Variants in VPS13C observed in about 807,000 individuals in gnomAD.
The protein encoded by VPS13C is vacuolar protein sorting 13 homolog C, also known as intermembrane lipid transfer protein VPS13C.
Under a neutral mutation model 456.8 loss-of-function variants are expected in VPS13C, and 358 were observed. That is an observed-to-expected ratio of 0.78 (90% CI 0.72 to 0.86). VPS13C has a LOEUF of 0.86. VPS13C is among the 40% of genes least tolerant of loss of function. The probability of loss-of-function intolerance (pLI) is 0.00; values close to 1 mark genes in which losing one functional copy is unlikely to be tolerated. For missense variants in VPS13C, 4,818 were observed against 4,385.4 expected (o/e 1.10, Z -2.79); for synonymous variants, 1,578 against 1,486.7 (o/e 1.06, Z -1.41).
chr15:61,936,795 T>G (rs2044241991), intron 47 of VPS13C, 45 bp from the exon 48 acceptor site: 1 of 1,535,682 alleles, frequency 6.5e-7, no homozygotes. Context: ...ATAAAAAAAA[T>G]GTAGACTATC....
chr15:62,060,240 C>T (rs371316204), intron 1 of VPS13C, 35 bp downstream of exon 1: 27 of 1,336,570 alleles, frequency 2.0e-5, no homozygotes, highest in African/African-American at 4.4e-5. Context: ...GGGCCCTCAG[C>T]GCCCGCAGCC....
chr15:61,890,396 C>T lies in VPS13C; in HGVS notation c.9110G>A (p.Gly3037Glu). The change falls in exon 67 of 85, where the codon GGA (glycine) becomes GAA (glutamate). Residue 3037 changes from glycine to glutamate, a missense_variant. Transcript: ENST00000644861. ...TGCATCATATGGAAACTGTCCACAT[C>T]CATCCTGGGAAGAAGAAAGACTTCA... ...NVGEHDLLKDGCGQFPYDANI... is the reference protein window; with the variant it reads ...NVGEHDLLKDECGQFPYDANI... 6.2e-7 allele frequency: 1 copy of T among 1,613,496 alleles called. No individual in the cohort carries two copies. The highest frequency in any genetic ancestry group is 8.5e-7 in the Non-Finnish European group (1 of 1,179,620).
At chr15:61,930,973 A>G in intron 50 of VPS13C, 117 bp downstream of exon 50, 1 of 1,187,404 alleles carries the variant, frequency 8.4e-7, no homozygotes, top group Non-Finnish European at 1.2e-6. Flanking sequence ...CAAATCAGGA[A>G]GTATGACCAA....
At position 62,026,689 on chromosome 15, in the gene VPS13C, A is replaced by G. The variant is rs574464308; in HGVS notation, c.448+1669T>C. On this transcript the variant is annotated intron_variant, in intron 6 of 84. Transcript: ENST00000644861. ...TGCACAAGTAATTTTCCTTGAAACA[A>G]CCATCCTACTTCAGTATGCAGAAAT... Among the ~76,000 whole-genome samples, 19 of 152,208 alleles carry G rather than the reference A, an allele frequency of 1.2e-4. No homozygotes were observed. The East Asian group carries it at 3.1e-3, about 25-fold the overall frequency.
At chr15:61,886,809 G>A (rs1896307016) in intron 67 of VPS13C, among the ~76,000 whole-genome samples, 1 of 152,156 alleles carries the variant, frequency 6.6e-6, no homozygotes, top group African/African-American at 2.4e-5. Flanking sequence ...AATGTATTTA[G>A]AGGATACCAG....
chr15:61,997,103 G>A (rs940633596), intron 16 of VPS13C, among the ~76,000 whole-genome samples: 6 of 151,828 alleles, frequency 4.0e-5, no homozygotes, highest in South Asian at 2.1e-4. Flanking sequence ...CTTGAAAAAC[G>A]TCATGGCTAA....
At chr15:61,907,833 C>T (rs1337148165) in intron 65 of VPS13C, among the ~76,000 whole-genome samples, 7 of 152,182 alleles carry the variant, frequency 4.6e-5, no homozygotes, top group Non-Finnish European at 4.4e-5. Flanking sequence ...TATTGCACTA[C>T]AGCCTCAAAC....
At position 61,853,260 on chromosome 15, in the gene VPS13C, T is replaced by C. The variant is rs1893740196; in HGVS notation, c.*1197A>G. On this transcript the variant is annotated 3_prime_UTR_variant, in exon 85 of 85. Transcript: ENST00000644861. Reference sequence around the variant, plus strand: ...ATTTAAAATACATTCTAGGCGTGCATTAGGAGTAAATGTTAATTTGTGATG... The same window carrying C: ...ATTTAAAATACATTCTAGGCGTGCACTAGGAGTAAATGTTAATTTGTGATG... 4 of 152,150 alleles carry C rather than the reference T, an allele frequency of 2.6e-5. No homozygotes were observed. Among genetic ancestry groups the C allele is most frequent in the Non-Finnish European group, 5.9e-5 (4 of 68,002 alleles). 9.4% of individuals were successfully genotyped at this position (152,150 alleles called of 1,614,324 possible). A position where few individuals can be genotyped will look rare whatever the true frequency, so the allele number is the denominator to read the frequency against.
Position 61,949,482 on chromosome 15 carries a change from G to A in VPS13C, c.4720C>T (p.Pro1574Ser). 2 of 1,613,492 alleles carry A rather than the reference G, an allele frequency of 1.2e-6. No individual in the cohort carries two copies. Among genetic ancestry groups the A allele is most frequent in the Admixed American group, 1.7e-5 (1 of 59,854 alleles). ...ATACTTCTGGACTCCCCCACAAGTGGTTTCAGCTCGGATTCCTTCTCAGAA... is the reference window on the plus strand; with the variant it reads ...ATACTTCTGGACTCCCCCACAAGTGATTTCAGCTCGGATTCCTTCTCAGAA... Reference protein sequence around the residue: ...SSSEKESELKPLVGESRSIAV... With the variant: ...SSSEKESELKSLVGESRSIAV... Residue 1574 changes from proline to serine, a missense_variant, in exon 42 of 85, where the codon CCA becomes TCA. Transcript: ENST00000644861.
At position 61,854,413 on chromosome 15, in the gene VPS13C, C is replaced by G. The variant is rs1326256261; in HGVS notation, c.*44G>C. 2.0e-6 allele frequency: 3 copies of G among 1,514,852 alleles called. No individual in the cohort carries two copies. 93.8% of individuals were successfully genotyped at this position (1,514,852 alleles called of 1,614,324 possible). A position where few individuals can be genotyped will look rare whatever the true frequency, so the allele number is the denominator to read the frequency against. ...AAGCAGAGTGACTTATAGACAAGAC[C>G]AGTGATTGTTTTTTCTCCCTGTTGG... On this transcript the variant is annotated 3_prime_UTR_variant, in exon 85 of 85. Coordinates refer to ENST00000644861, the MANE Select transcript of VPS13C (RefSeq NM_020821.3).
chr15:61,931,177 A>G lies in VPS13C; in HGVS notation c.5951T>C (p.Phe1984Ser), dbSNP rs1234848395. The change falls in exon 50 of 85, where the codon TTT becomes TCT. Residue 1984 changes from phenylalanine (F) to serine (S), a missense_variant. Around this residue, in one of 3 missense-constraint regions of VPS13C, gnomAD observed 4,552 missense variants for 4,130.6 expected, o/e 1.10. Transcript: ENST00000644861. ...LHLMASSGKM[F>S]KDGSMNVSVK... ...GCTGACATTCATTGAGCCATCCTTA[A>G]ACATCTTCCCTGAGGAGGCCATAAG... is the stretch of plus-strand genomic sequence containing the variant. 1.2e-6 allele frequency: 2 copies of G among 1,614,186 alleles called. No individual in the cohort carries two copies. Among genetic ancestry groups the G allele is most frequent in the Admixed American group, 3.3e-5 (2 of 60,028 alleles).
rs138040593 is a variant in VPS13C at position 62,036,635 on chromosome 15, T to G, written c.188-1583A>C. The stretch of plus-strand genomic sequence containing the variant: ...TCTCAAAATCTCCTAACAAAATTTA[T>G]TTGATTGCCTTCTTGGTGAGCATAA... On this transcript the variant is annotated intron_variant, in intron 3 of 84. Transcript: ENST00000644861. 6.5e-3 allele frequency among the ~76,000 whole-genome samples: 992 copies of G among 152,176 alleles called. 9 individuals carry two copies. Among genetic ancestry groups the G allele is most frequent in the South Asian group, 0.045 (218 of 4,818 alleles).
intron 47 of VPS13C, among the ~76,000 whole-genome samples, chr15:61,940,394 AG>A (rs2044379832): frequency 6.6e-6 from 1 of 152,232 alleles, no homozygotes; most frequent in African/African-American, 2.4e-5. Context: ...GAGGGAAACA[AG>A]GATGATTTCA....
intron 75 of VPS13C, among the ~76,000 whole-genome samples, chr15:61,876,516 A>C (rs1008161919): frequency 6.6e-6 from 1 of 151,994 alleles, no homozygotes; most frequent in Non-Finnish European, 1.5e-5. Context: ...CAGTGGAAGG[A>C]AAGGAGATGT....
intron 11 of VPS13C, among the ~76,000 whole-genome samples, chr15:62,012,818 G>C (rs999057863): frequency 6.6e-6 from 1 of 151,882 alleles, no homozygotes; most frequent in Non-Finnish European, 1.5e-5. Context: ...CATGGGCTCT[G>C]ATATCACTGC....
chr15:61,938,844 G>A (rs1254412588), intron 47 of VPS13C, among the ~76,000 whole-genome samples: 1 of 152,018 alleles, frequency 6.6e-6, no homozygotes, highest in Non-Finnish European at 1.5e-5. Flanking sequence ...CGCCCTTAGA[G>A]AAAGACACCA....
chr15:61,915,696 T>C lies in VPS13C; in HGVS notation c.8382A>G (p.Pro2794=). 2 of 1,610,602 alleles carry C rather than the reference T, an allele frequency of 1.2e-6. No homozygotes were observed. Among genetic ancestry groups the C allele is most frequent in the Non-Finnish European group, 8.5e-7 (1 of 1,179,298 alleles). ...YRSEDIHVKH[P]ADFRDIILFS... ...ATAAAATAATATCCCTGAAATCAGC[T>C]GGATGTTTCACATGAATATCTTCTG... The change falls in exon 61 of 85, where the codon CCA becomes CCG. Residue 2794 remains proline, a synonymous_variant. Coordinates refer to ENST00000644861, the MANE Select transcript of VPS13C (RefSeq NM_020821.3).
In VPS13C at chr15:62,060,404, A is replaced by G. The variant is rs753311344; in HGVS notation, c.-30T>C. On this transcript the variant is annotated 5_prime_UTR_variant, in exon 1 of 85. Coordinates refer to ENST00000644861, the MANE Select transcript of VPS13C (RefSeq NM_020821.3). Reference sequence around the variant, plus strand: ...GCGCTGAGGCACAAGGAGAGGGAGGAGCCGGAACCGCCCGGCGCAGCTGAG... The same window carrying G: ...GCGCTGAGGCACAAGGAGAGGGAGGGGCCGGAACCGCCCGGCGCAGCTGAG... 2.4e-6 allele frequency: 3 copies of G among 1,249,676 alleles called. No homozygotes were observed. The Admixed American group carries it at 5.6e-5, about 23-fold the overall frequency. The allele number at this position is 1,249,676 out of a possible 1,614,324, so 77.4% of individuals were successfully genotyped here.
At chr15:62,041,904 A>T (rs1343175823) in intron 2 of VPS13C, among the ~76,000 whole-genome samples, 1 of 152,178 alleles carries the variant, frequency 6.6e-6, no homozygotes, top group Non-Finnish European at 1.5e-5. Flanking sequence ...AAATAGAAAA[A>T]GTTTGTAAAT....
Sources: gnomAD v4.1 joint callset for allele counts (sites outside exome capture counted in the v4.1 genomes callset) on GRCh38, gnomAD v4.1.1 for gene constraint, gnomAD v4.1.1 regional missense constraint, MANE v1.5 for transcripts, NCBI Gene and HGNC (gene_info 2026-07-23, HGNC 2026-07-21) for gene names.